Variants in RBFOX1 observed in about 807,000 individuals in gnomAD.
RBFOX1 encodes the protein RNA binding protein fox-1 homolog 1.
Under a neutral mutation model 57.7 loss-of-function variants are expected in RBFOX1, and 8 were observed. The observed-to-expected ratio is 0.14, with a 90% CI of 0.08 to 0.25. RBFOX1 has a LOEUF of 0.25. RBFOX1 is among the 10% of genes least tolerant of loss of function. The pLI, the probability that RBFOX1 is intolerant of heterozygous loss-of-function variation, is 1.00. For missense variants in RBFOX1, 611 were observed against 548.5 expected (o/e 1.11, Z -1.14); for synonymous variants, 326 against 222.4 (o/e 1.47, Z -4.15).
chr16:6,738,703 T>G (rs907101265), intron 3 of RBFOX1, among the ~76,000 whole-genome samples: 1 of 152,098 alleles, frequency 6.6e-6, no homozygotes, highest in African/African-American at 2.4e-5. Flanking sequence ...AAGGAGCCCA[T>G]AGAGCATATA....
chr16:5,428,790 G>C (rs190430612), intron 1 of RBFOX1, among the ~76,000 whole-genome samples: 21 of 152,318 alleles, frequency 1.4e-4, no homozygotes, highest in Admixed American at 3.3e-4. Flanking sequence ...GTAACAATTT[G>C]TAATGACATA....
intron 1 of RBFOX1, among the ~76,000 whole-genome samples, chr16:6,179,597 C>T (rs2097046291): frequency 6.6e-6 from 1 of 152,156 alleles, no homozygotes; most frequent in Non-Finnish European, 1.5e-5. Flanking sequence ...TTATCAATCC[C>T]ATCAGCATGG....
At chr16:6,274,895 T>C (rs1181008675) in intron 1 of RBFOX1, among the ~76,000 whole-genome samples, 3 of 152,222 alleles carry the variant, frequency 2.0e-5, no homozygotes, top group African/African-American at 7.2e-5. Context: ...CATTGATCCA[T>C]TAATGATGAG....
intron 3 of RBFOX1, among the ~76,000 whole-genome samples, chr16:6,684,820 T>G (rs942115442): frequency 6.6e-5 from 10 of 152,220 alleles, no homozygotes; most frequent in African/African-American, 2.4e-4. Context: ...GCATTTCTTT[T>G]TTCTCTTCTA....
At chr16:6,723,848 G>A (rs988045758) in intron 3 of RBFOX1, 4 of 151,906 alleles carry the variant, frequency 2.6e-5, no homozygotes, top group African/African-American at 7.3e-5. Flanking sequence ...TGTTCTGCAC[G>A]AGGTTCTCAC....
intron 4 of RBFOX1, among the ~76,000 whole-genome samples, chr16:7,331,840 G>A (rs2144331915): frequency 6.6e-6 from 1 of 152,056 alleles, no homozygotes; most frequent in Non-Finnish European, 1.5e-5. Context: ...TCCAATTCAT[G>A]TCATCCCCTA....
At chr16:6,043,363 G>C (rs939595410) in intron 1 of RBFOX1, among the ~76,000 whole-genome samples, 1 of 152,090 alleles carries the variant, frequency 6.6e-6, no homozygotes, top group African/African-American at 2.4e-5. Flanking sequence ...CAGCTTTGCA[G>C]GGTCATTTCA....
intron 4 of RBFOX1, among the ~76,000 whole-genome samples, chr16:7,289,993 T>G (rs1488229865): frequency 6.6e-6 from 1 of 152,198 alleles, no homozygotes; most frequent in Non-Finnish European, 1.5e-5. Flanking sequence ...TAAGCTCTTT[T>G]AATTCTTATT....
intron 1 of RBFOX1, among the ~76,000 whole-genome samples, chr16:5,396,031 G>C (rs1297114954): frequency 6.6e-6 from 1 of 152,194 alleles, no homozygotes; most frequent in Non-Finnish European, 1.5e-5. Context: ...AGCTGAGGGA[G>C]AGAACCCAAC....
chr16:6,998,385 A>G (rs562327532), intron 3 of RBFOX1, among the ~76,000 whole-genome samples: 1 of 152,272 alleles, frequency 6.6e-6, no homozygotes, highest in Non-Finnish European at 1.5e-5. Context: ...ACAGATGGTG[A>G]AAACTAATCT....
chr16:5,298,356 G>GAGT (rs2063718397), intron 1 of RBFOX1, among the ~76,000 whole-genome samples: 1 of 152,076 alleles, frequency 6.6e-6, no homozygotes, highest in South Asian at 2.1e-4. Flanking sequence ...AATCTTGGGA[G>GAGT]AGTGTTGGGG....
At chr16:7,648,933 C>G (rs966779044) in intron 11 of RBFOX1, among the ~76,000 whole-genome samples, 4 of 152,022 alleles carry the variant, frequency 2.6e-5, no homozygotes, top group Non-Finnish European at 4.4e-5. Flanking sequence ...TTTTCCGAGA[C>G]AGTGAAAAAC....
chr16:5,587,653 C>G (rs2046876172), intron 2 of RBFOX1, among the ~76,000 whole-genome samples: 1 of 152,192 alleles, frequency 6.6e-6, no homozygotes, highest in Non-Finnish European at 1.5e-5. Context: ...GCAGAGGTTG[C>G]AGTGAGCCAA....
intron 10 of RBFOX1, among the ~76,000 whole-genome samples, chr16:7,628,422 T>A (rs2060415869): frequency 1.3e-5 from 2 of 152,184 alleles, no homozygotes; most frequent in African/African-American, 4.8e-5. Context: ...TACTCATTGA[T>A]AAACACCACT....
In RBFOX1 at chr16:7,438,612, C is replaced by G. The variant is rs564071801; in HGVS notation, c.28-79535C>G. 1.5e-3 allele frequency among the ~76,000 whole-genome samples: 226 copies of G among 152,270 alleles called. 1 individual carries two copies. Among genetic ancestry groups the G allele is most frequent in the Non-Finnish European group, 2.5e-3 (170 of 68,016 alleles). On this transcript the variant is annotated intron_variant, in intron 4 of 15. Coordinates refer to ENST00000550418, the MANE Select transcript of RBFOX1 (RefSeq NM_018723.4). ...AACTTGTGTGCGTGTCTGCATTTAG[C>G]CATTGAAAATATAATCAGGCTAATG...
At chr16:6,292,792 C>T (rs988045871) in intron 1 of RBFOX1, among the ~76,000 whole-genome samples, 1 of 152,156 alleles carries the variant, frequency 6.6e-6, no homozygotes, top group Non-Finnish European at 1.5e-5. Flanking sequence ...AAAGAGTTGC[C>T]TGAAATAAAT....
At chr16:6,523,143 T>C (rs900064868) in intron 2 of RBFOX1, among the ~76,000 whole-genome samples, 2 of 152,252 alleles carry the variant, frequency 1.3e-5, no homozygotes. Flanking sequence ...AACTGGAACG[T>C]AGGTAGCATG....
intron 2 of RBFOX1, among the ~76,000 whole-genome samples, chr16:5,596,851 G>A (rs2047199266): frequency 6.6e-6 from 1 of 151,840 alleles, no homozygotes; most frequent in African/African-American, 2.4e-5. Flanking sequence ...ACTTTAGACA[G>A]TCGCTGGAAG....
At chr16:7,229,179 A>G (rs751176345) in intron 4 of RBFOX1, among the ~76,000 whole-genome samples, 4 of 152,228 alleles carry the variant, frequency 2.6e-5, no homozygotes, top group Admixed American at 6.5e-5. Flanking sequence ...TATTTCTTTC[A>G]TGCTTCAGAA....
Sources: gnomAD v4.1 joint callset for allele counts (sites outside exome capture counted in the v4.1 genomes callset) on GRCh38, gnomAD v4.1.1 for gene constraint, MANE v1.5 for transcripts, NCBI Gene and HGNC (gene_info 2026-07-23, HGNC 2026-07-21) for gene names.